The following TENM3 variants were observed in gnomAD, a reference collection of about 807,000 sequenced individuals.
The protein encoded by TENM3 is teneurin-3.
In TENM3, 63 loss-of-function variants were observed where a neutral mutation model predicts 255.1. The observed-to-expected ratio is 0.25, with a 90% confidence interval of 0.20 to 0.30. The LOEUF is 0.30. TENM3 is among the 10% of genes least tolerant of loss of function. The pLI is 1.00. For missense variants in TENM3, 2,929 were observed against 3,461.1 expected (o/e 0.85, Z 3.86); for synonymous variants, 1,306 against 1,322.3 (o/e 0.99, Z 0.27).
chr4:182,565,443 A>C (rs2151991130), intron 3 of TENM3, among the ~76,000 whole-genome samples: 1 of 152,320 alleles, frequency 6.6e-6, no homozygotes, highest in South Asian at 2.1e-4. Context: ...ATGGTTCAGA[A>C]GCAGCTATCT....
In TENM3 at chr4:182,228,683, G is replaced by A. The variant is rs145379307; in HGVS notation, c.-76+83929G>A. 1.4e-4 allele frequency among the ~76,000 whole-genome samples: 22 copies of A among 152,104 alleles called. No homozygotes were observed. The East Asian group carries it at 4.1e-3, about 28-fold the overall frequency. ...CATCAAGAAAGTTCGTTAAGAATGC[G>A]GAGAAAATGTATTTTTATATTCACA... On this transcript the variant is annotated intron_variant, in intron 1 of 2. Coordinates refer to the TENM3 transcript ENST00000512480.
At chr4:181,656,949 G>A in the TENM3 span, among the ~76,000 whole-genome samples, 1 of 152,210 alleles carries the variant, frequency 6.6e-6, no homozygotes, top group Non-Finnish European at 1.5e-5. Flanking sequence ...TTTCATCTTG[G>A]CCTCTATTTT....
chr4:181,473,556 C>T, the TENM3 span, among the ~76,000 whole-genome samples: 2 of 151,962 alleles, frequency 1.3e-5, no homozygotes, highest in Admixed American at 6.6e-5. Context: ...TTGTCCCCTA[C>T]ACTCCAGCCT....
At chr4:182,533,662 G>C (rs893722591) in intron 3 of TENM3, among the ~76,000 whole-genome samples, 2 of 151,694 alleles carry the variant, frequency 1.3e-5, no homozygotes, top group Admixed American at 1.3e-4. Flanking sequence ...ATAAAAGGTT[G>C]TCTTTCACTT....
chr4:182,256,909 T>C (rs1758439598), intron 1 of TENM3, among the ~76,000 whole-genome samples: 1 of 151,784 alleles, frequency 6.6e-6, no homozygotes, highest in African/African-American at 2.4e-5. Flanking sequence ...TTAAAAATAA[T>C]TATTAAAAAA....
intron 12 of TENM3, among the ~76,000 whole-genome samples, chr4:182,700,490 A>G (rs531399117): frequency 1.3e-5 from 2 of 152,248 alleles, no homozygotes; most frequent in East Asian, 1.9e-4. Flanking sequence ...TTCGTATTTA[A>G]CATATTCGCA....
chr4:182,438,368 A>T (rs1215739532), intron 3 of TENM3, among the ~76,000 whole-genome samples: 3 of 152,216 alleles, frequency 2.0e-5, no homozygotes, highest in Admixed American at 1.3e-4. Flanking sequence ...AGTTTCAGCC[A>T]TGCATTTTCC....
intron 1 of TENM3, among the ~76,000 whole-genome samples, chr4:182,160,914 GA>G (rs34820381): frequency 0.49 from 74,583 of 152,018 alleles, 18,732 homozygotes; most frequent in Admixed American, 0.55. Context: ...TATACATGTG[GA>G]TTGAGAAATT....
intron 3 of TENM3, among the ~76,000 whole-genome samples, chr4:182,483,547 A>C (rs535501030): frequency 6.6e-6 from 1 of 152,236 alleles, no homozygotes; most frequent in Non-Finnish European, 1.5e-5. Context: ...TAATAACAAA[A>C]GGAGCAATGT....
At chr4:181,857,239 T>C in the TENM3 span, among the ~76,000 whole-genome samples, 1 of 151,440 alleles carries the variant, frequency 6.6e-6, no homozygotes, top group African/African-American at 2.4e-5. Flanking sequence ...TGTTTGAGAA[T>C]GAACAGAAGA....
At chr4:182,560,489 A>T (rs1018927266) in intron 3 of TENM3, among the ~76,000 whole-genome samples, 1 of 152,200 alleles carries the variant, frequency 6.6e-6, no homozygotes, top group African/African-American at 2.4e-5. Flanking sequence ...CAGAAGCAAC[A>T]GTGAAGCTAA....
At chr4:182,766,201 CATGGAATAA>C (rs1763705652) in intron 22 of TENM3, among the ~76,000 whole-genome samples, 1 of 152,092 alleles carries the variant, frequency 6.6e-6, no homozygotes. Flanking sequence ...CTTCCAGACC[CATGGAATAA>C]ATCCAGGAGG....
chr4:182,452,542 C>T (rs949962327), intron 3 of TENM3, among the ~76,000 whole-genome samples: 23 of 152,144 alleles, frequency 1.5e-4, no homozygotes, highest in African/African-American at 5.1e-4. Context: ...GAGGAGCAGG[C>T]GGGTTCCCAA....
the TENM3 span, among the ~76,000 whole-genome samples, chr4:181,595,444 A>AAAAAAAAAAACAAAAAAAAAC: frequency 6.9e-5 from 9 of 129,520 alleles, no homozygotes; most frequent in East Asian, 2.2e-4. Context: ...AAAAAAAAAA[A>AAAAAAAAAAACAAAAAAAAAC]AAAAAAAAAA....
the TENM3 span, among the ~76,000 whole-genome samples, chr4:181,548,060 T>A: frequency 1.3e-5 from 2 of 152,202 alleles, no homozygotes; most frequent in East Asian, 3.9e-4. Flanking sequence ...ATATGCGGTG[T>A]CTGTTTTTTT....
intron 3 of TENM3, among the ~76,000 whole-genome samples, chr4:182,479,529 A>T (rs900130390): frequency 1.2e-4 from 18 of 151,988 alleles, no homozygotes; most frequent in African/African-American, 3.9e-4. Flanking sequence ...ATGATATCGA[A>T]TGTGTAATTT....
chr4:181,933,935 C>T, the TENM3 span, among the ~76,000 whole-genome samples: 784 of 152,122 alleles, frequency 5.2e-3, 7 homozygotes, highest in African/African-American at 0.017. Context: ...TCCTTCTCTT[C>T]CTGGCTATCT....
intron 2 of TENM3, among the ~76,000 whole-genome samples, chr4:182,345,045 T>C (rs1345924281): frequency 6.6e-6 from 1 of 152,228 alleles, no homozygotes; most frequent in Non-Finnish European, 1.5e-5. Context: ...ACTTTTTGGT[T>C]CAGATACGTG....
chr4:182,747,015 C>G (rs1335353527), intron 19 of TENM3, among the ~76,000 whole-genome samples: 2 of 152,140 alleles, frequency 1.3e-5, no homozygotes, highest in African/African-American at 2.4e-5. Context: ...TGTGTACCTG[C>G]CTATCGTTAC....
Sources: gnomAD v4.1 joint callset for allele counts (sites outside exome capture counted in the v4.1 genomes callset) on GRCh38, gnomAD v4.1.1 for gene constraint, MANE v1.5 for transcripts, NCBI Gene and HGNC (gene_info 2026-07-23, HGNC 2026-07-21) for gene names.